HECTD4: variants seen among roughly 807,000 people sequenced by gnomAD.
The protein encoded by HECTD4 is HECT domain E3 ubiquitin protein ligase 4, also known as probable E3 ubiquitin-protein ligase HECTD4.
Under a neutral mutation model 471.5 loss-of-function variants are expected in HECTD4, and 114 were observed. The observed-to-expected ratio is 0.24, with a 90% CI of 0.21 to 0.28. The LOEUF is 0.28. HECTD4 is among the 10% of genes least tolerant of loss of function. HECTD4 has a pLI of 1.00. For missense variants in HECTD4, 3,866 were observed against 5,651.5 expected (o/e 0.68, Z 10.13); for synonymous variants, 2,012 against 2,256.0 (o/e 0.89, Z 3.07).
intron 34 of HECTD4, among the ~76,000 whole-genome samples, chr12:112,238,483 G>A (rs1488091234): frequency 4.6e-5 from 7 of 152,234 alleles, no homozygotes; most frequent in Middle Eastern, 6.8e-3. Context: ...TTTTTTGAAC[G>A]CCAAGGCGCG....
chr12:112,165,326 G>A (rs2030895911), intron 72 of HECTD4, among the ~76,000 whole-genome samples: 1 of 149,520 alleles, frequency 6.7e-6, no homozygotes, highest in Non-Finnish European at 1.5e-5. Context: ...AACCCATCAT[G>A]CTTTTTGTTT....
chr12:112,371,664 G>A (rs965609665), intron 1 of HECTD4, among the ~76,000 whole-genome samples: 1 of 151,582 alleles, frequency 6.6e-6, no homozygotes, highest in Non-Finnish European at 1.5e-5. Context: ...AGGCAAGCGA[G>A]TCATCTGAGG....
rs758180318 is a variant in HECTD4, at chr12:112,243,166, A to T, written c.4958+187T>A. 2.8e-4 allele frequency among the ~76,000 whole-genome samples: 42 copies of T among 152,234 alleles called. No homozygotes were observed. The highest frequency in any genetic ancestry group is 6.2e-4 in the Non-Finnish European group (42 of 68,044). Reference sequence around the variant, plus strand: ...GAGTGGAATTCAGGAGAAGAAGGTGAATACTGAGAGTTTTACGTTCTATTA... The same window carrying T: ...GAGTGGAATTCAGGAGAAGAAGGTGTATACTGAGAGTTTTACGTTCTATTA... On this transcript the variant is annotated intron_variant, in intron 32 of 75. Coordinates refer to ENST00000682272, the MANE Select transcript of HECTD4 (RefSeq NM_001388303.1). The surrounding 1 kb of genome is among the most constrained non-coding windows in gnomAD (Gnocchi z 6.6).
chr12:112,286,406 G>C (rs2034754719), intron 7 of HECTD4, among the ~76,000 whole-genome samples: 1 of 152,186 alleles, frequency 6.6e-6, no homozygotes, highest in African/African-American at 2.4e-5. Flanking sequence ...AGGCACAGTG[G>C]TTCACACCTG....
Position 112,162,253 on chromosome 12 carries a change from T to G in HECTD4, c.*134A>C. On this transcript the variant is annotated 3_prime_UTR_variant, in exon 76 of 76. Coordinates refer to ENST00000682272, the MANE Select transcript of HECTD4 (RefSeq NM_001388303.1). This position sits in a 1 kb window ranked among gnomAD's most constrained non-coding sequence, Gnocchi z 5.2. ...AAGTCTTCCAGGAGGCCCTGGAATG[T>G]GGACGAAAGTTTGGAAAAGCAAAAT... 1 of 964,648 alleles carries G rather than the reference T, an allele frequency of 1.0e-6. No homozygotes were observed. Among genetic ancestry groups the G allele is most frequent in the Non-Finnish European group, 1.6e-6 (1 of 635,916 alleles). 59.8% of individuals were successfully genotyped at this position (964,648 alleles called of 1,614,324 possible).
At chr12:112,270,086 C>G in intron 12 of HECTD4, 141 bp downstream of exon 12, 1 of 754,562 alleles carries the variant, frequency 1.3e-6, no homozygotes, top group Non-Finnish European at 2.1e-6. Flanking sequence ...TATGATAATT[C>G]TAACTCCAGG....
chr12:112,231,514 T>A lies in HECTD4; in HGVS notation c.6199A>T (p.Arg2067Trp), dbSNP rs1566080878. ...ICRERNSELA[R>W]TDPVRPFISG... ...AGCTCCTACCTGTGGAAGGTTTACC[T>A]TGCAAGCTCCGAGTTCCTCTCTCGG... The change falls in exon 39 of 76, where the codon AGG becomes TGG. Residue 2067 changes from arginine to tryptophan, a missense_variant and splice_region_variant. Coordinates refer to ENST00000682272, the MANE Select transcript of HECTD4 (RefSeq NM_001388303.1). The A allele has an allele frequency of 6.2e-7, 1 of 1,613,972 alleles. No homozygotes were observed.
rs2036907745 is a variant in HECTD4 at position 112,382,164 on chromosome 12, G to T, written c.-36C>A. ...GAAGGCTTGGCGCTGAGGAGCAGAC[G>T]CCCGGCCGGGGGAAACGGAGCAGGA... On this transcript the variant is annotated 5_prime_UTR_variant, in exon 1 of 76. Coordinates refer to ENST00000682272, the MANE Select transcript of HECTD4 (RefSeq NM_001388303.1). 12 of 1,213,778 alleles carry T rather than the reference G, an allele frequency of 9.9e-6. No homozygotes were observed. Among genetic ancestry groups the T allele is most frequent in the Non-Finnish European group, 4.1e-6 (4 of 976,932 alleles). 75.2% of individuals were successfully genotyped at this position (1,213,778 alleles called of 1,614,324 possible).
rs202085332 is a variant in HECTD4 at position 112,219,364 on chromosome 12, C to T, written c.7074+22G>A. 3.6e-4 allele frequency: 569 copies of T among 1,584,542 alleles called. 2 individuals are homozygous for T. The highest frequency in any genetic ancestry group is 4.7e-4 in the Non-Finnish European group (548 of 1,155,114). ...ATGTGTGTGGAGGCTGCAGGAGGCG[C>T]GAAGCACCGCAGAGGGCTCACCTGT... is the stretch of plus-strand genomic sequence containing the variant. On this transcript the variant is annotated intron_variant, in intron 45 of 75. Coordinates refer to ENST00000682272, the MANE Select transcript of HECTD4 (RefSeq NM_001388303.1).
chr12:112,224,373 T>C (rs1290831402), intron 44 of HECTD4, among the ~76,000 whole-genome samples: 1 of 151,908 alleles, frequency 6.6e-6, no homozygotes, highest in Admixed American at 6.6e-5. Flanking sequence ...TTCACGCCAT[T>C]CTCCTGCCTC....
At chr12:112,263,707 T>TATATATATATATATATATA (rs1566091576) in intron 17 of HECTD4, among the ~76,000 whole-genome samples, 11 of 137,822 alleles carry the variant, frequency 8.0e-5, no homozygotes, top group African/African-American at 3.2e-4. Flanking sequence ...CCCAAGATTT[T>TATATATATATATATATATA]TATATATATA....
chr12:112,334,637 CAAAAAAAA>C (rs869292531), intron 1 of HECTD4, among the ~76,000 whole-genome samples: 5 of 45,264 alleles, frequency 1.1e-4, no homozygotes, highest in African/African-American at 1.6e-4. Flanking sequence ...ACTAAAAATA[CAAAAAAAA>C]AAAAAAAAAA....
intron 9 of HECTD4, 78 bp from the exon 10 acceptor site, chr12:112,275,038 C>T (rs1341815677): frequency 2.3e-6 from 2 of 877,226 alleles, no homozygotes; most frequent in Non-Finnish European, 1.8e-6. Flanking sequence ...TTTAACAAGA[C>T]TTTTATAAAA....
intron 20 of HECTD4, 92 bp from the exon 21 acceptor site, chr12:112,256,610 T>C (rs1437690674): frequency 2.4e-6 from 2 of 843,878 alleles, no homozygotes; most frequent in Admixed American, 3.5e-5. Flanking sequence ...TTCCACAGCA[T>C]GCAGTATGAT....
At chr12:112,195,489 A>C (rs1193468640) in intron 55 of HECTD4, among the ~76,000 whole-genome samples, 4 of 152,230 alleles carry the variant, frequency 2.6e-5, no homozygotes, top group African/African-American at 9.6e-5. Context: ...TCATGTTCTC[A>C]GTGAAAGACA....
chr12:112,259,743 T>C (rs893969298), intron 18 of HECTD4, among the ~76,000 whole-genome samples: 1 of 152,092 alleles, frequency 6.6e-6, no homozygotes, highest in Non-Finnish European at 1.5e-5. Context: ...ACAAATGGAT[T>C]CTAAAATGCC....
chr12:112,170,502 T>G, intron 68 of HECTD4, 50 bp from the exon 69 acceptor site: 1 of 1,596,866 alleles, frequency 6.3e-7, no homozygotes. Context: ...GTCCCTTCCT[T>G]CCCAGTCCCC....
intron 1 of HECTD4, among the ~76,000 whole-genome samples, chr12:112,370,771 A>T (rs1242326991): frequency 6.6e-6 from 1 of 152,164 alleles, no homozygotes; most frequent in Non-Finnish European, 1.5e-5. Flanking sequence ...GTATTCATGT[A>T]CTACTCATAG....
In HECTD4 at chr12:112,173,669, C is replaced by T. The variant is rs1284150836; in HGVS notation, c.11595-808G>A. Among the ~76,000 whole-genome samples, 1 of 152,116 alleles carries T rather than the reference C, an allele frequency of 6.6e-6. No homozygotes were observed. Among genetic ancestry groups the T allele is most frequent in the Non-Finnish European group, 1.5e-5 (1 of 68,042 alleles). On this transcript the variant is annotated intron_variant, in intron 66 of 75. Coordinates refer to ENST00000682272, the MANE Select transcript of HECTD4 (RefSeq NM_001388303.1). The surrounding 1 kb of genome is among the most constrained non-coding windows in gnomAD (Gnocchi z 4.3). ...TCAGCCTCCCAAAGTGCTGCGATTA[C>T]AGGCGTGAGCCAATGCGCCCGGCCA...
Sources: allele counts gnomAD v4.1 joint callset (sites outside exome capture counted in the v4.1 genomes callset), GRCh38; gene constraint gnomAD v4.1.1; non-coding constraint Gnocchi (gnomAD v3.1); transcripts MANE v1.5; gene names NCBI Gene and HGNC (gene_info 2026-07-23, HGNC 2026-07-21).